The following NCALD variants were observed in gnomAD, a reference collection of about 807,000 sequenced individuals.
NCALD encodes neurocalcin delta, also known as neurocalcin-delta.
A neutral mutation model predicts 18.6 loss-of-function variants in NCALD; 10 were observed. The ratio of observed to expected loss-of-function variants is 0.54; its 90% confidence interval spans 0.33 to 0.91. The LOEUF (loss-of-function observed/expected upper bound fraction) is 0.91. Ranked by LOEUF, NCALD falls within the 40% of genes least tolerant of loss-of-function variation. The pLI is 0.03. For missense variants in NCALD, 184 were observed against 247.6 expected (o/e 0.74, Z 1.72); for synonymous variants, 88 against 87.4 (o/e 1.01, Z -0.04).
intron 3 of NCALD, chr8:101,692,377 G>A (rs1237015135): frequency 2.0e-6 from 2 of 985,280 alleles, no homozygotes; most frequent in Non-Finnish European, 2.4e-6. Context: ...GCAGGCTGGA[G>A]TGAAAGCTGT....
intron 4 of NCALD, among the ~76,000 whole-genome samples, chr8:101,846,801 G>T (rs1814884894): frequency 6.6e-6 from 1 of 152,166 alleles, no homozygotes; most frequent in Admixed American, 6.5e-5. Context: ...TGAAGAATTT[G>T]CATTTCTAAC....
chr8:102,028,776 G>T (rs1236315034), intron 1 of NCALD, among the ~76,000 whole-genome samples: 1 of 152,134 alleles, frequency 6.6e-6, no homozygotes, highest in Admixed American at 6.5e-5. Flanking sequence ...CAACCTTCTG[G>T]TCATTTATTC....
intron 1 of NCALD, among the ~76,000 whole-genome samples, chr8:101,754,870 AAATG>A (rs1010490013): frequency 1.5e-4 from 22 of 150,590 alleles, no homozygotes; most frequent in Admixed American, 2.6e-4. Context: ...ATGAATGAAT[AAATG>A]AATGAATGGA....
intron 1 of NCALD, among the ~76,000 whole-genome samples, chr8:101,720,993 C>T (rs1049971008): frequency 1.3e-5 from 2 of 151,990 alleles, no homozygotes; most frequent in Non-Finnish European, 2.9e-5. Context: ...GGTGAAAGTA[C>T]CTGGAAAAAT....
At position 101,907,121 on chromosome 8, in the gene NCALD, C is replaced by T. The variant is rs73280901; in HGVS notation, c.-107+8688G>A. Among the ~76,000 whole-genome samples the T allele has an allele frequency of 8.3e-3, 1,262 of 152,208 alleles. 18 individuals are homozygous for T. The highest frequency in any genetic ancestry group is 0.028 in the African/African-American group (1,180 of 41,534). On this transcript the variant is annotated intron_variant, in intron 3 of 6. Transcript: ENST00000311028. Reference sequence around the variant, plus strand: ...TGCATTTGATTTTTGAAAAACATTGCGCTAAGTGCTATTTATTTTGATTAT... The same window carrying T: ...TGCATTTGATTTTTGAAAAACATTGTGCTAAGTGCTATTTATTTTGATTAT...
chr8:101,879,593 G>C (rs1413062806), intron 4 of NCALD, among the ~76,000 whole-genome samples: 1 of 152,210 alleles, frequency 6.6e-6, no homozygotes, highest in South Asian at 2.1e-4. Flanking sequence ...ACAACGGCTA[G>C]CTGGGACAGC....
chr8:101,786,987 C>T lies in NCALD; in HGVS notation c.-20+3875G>A, dbSNP rs145037493. On this transcript the variant is annotated intron_variant, in intron 1 of 3. Transcript: ENST00000220931. ...AGGGCAGACTGTTTTTAGTTTGGCT[C>T]CAGTGAATTTCAATATTTATCATAT... 9.5e-3 allele frequency among the ~76,000 whole-genome samples: 1,448 copies of T among 152,196 alleles called. 11 individuals carry two copies. Among genetic ancestry groups the T allele is most frequent in the Middle Eastern group, 0.031 (9 of 294 alleles).
intron 4 of NCALD, among the ~76,000 whole-genome samples, chr8:101,798,364 G>C (rs1338682486): frequency 6.6e-6 from 1 of 152,176 alleles, no homozygotes; most frequent in African/African-American, 2.4e-5. Flanking sequence ...CTCTACACTA[G>C]TAATGAACAT....
At chr8:101,853,041 G>C (rs184810284) in intron 4 of NCALD, among the ~76,000 whole-genome samples, 38 of 152,282 alleles carry the variant, frequency 2.5e-4, no homozygotes, top group Non-Finnish European at 4.7e-4. Context: ...TTTAGAGCCA[G>C]ACTGCCCATG....
chr8:102,055,676 G>T (rs1161674865), intron 1 of NCALD, among the ~76,000 whole-genome samples: 3 of 152,162 alleles, frequency 2.0e-5, no homozygotes, highest in East Asian at 1.9e-4. Flanking sequence ...ACAAATGGTG[G>T]ATATTTGTCA....
At chr8:101,764,730 G>A (rs1384553469) in intron 1 of NCALD, among the ~76,000 whole-genome samples, 1 of 152,192 alleles carries the variant, frequency 6.6e-6, no homozygotes, top group Non-Finnish European at 1.5e-5. Flanking sequence ...CACTGTGGTG[G>A]CAGGTGCTTT....
intron 4 of NCALD, among the ~76,000 whole-genome samples, chr8:101,838,221 CTTTTA>C (rs1473347227): frequency 2.0e-5 from 3 of 151,320 alleles, no homozygotes; most frequent in Non-Finnish European, 4.4e-5. Context: ...TTAAGTGTTT[CTTTTA>C]TTTTCTTTTT....
intron 1 of NCALD, among the ~76,000 whole-genome samples, chr8:102,071,769 T>G (rs1253953567): frequency 1.3e-5 from 2 of 152,078 alleles, no homozygotes; most frequent in Non-Finnish European, 2.9e-5. Context: ...AAAAATCAAA[T>G]ACATAGGAAT....
At chr8:102,097,422 C>T (rs768982641) in intron 1 of NCALD, among the ~76,000 whole-genome samples, 4 of 152,188 alleles carry the variant, frequency 2.6e-5, no homozygotes, top group African/African-American at 4.8e-5. Context: ...TCCAACCACG[C>T]GGGTGCTTAA....
chr8:101,770,712 C>A (rs1811548995), intron 1 of NCALD, among the ~76,000 whole-genome samples: 1 of 152,144 alleles, frequency 6.6e-6, no homozygotes, highest in African/African-American at 2.4e-5. Context: ...AGGCACAGGG[C>A]AGAGACAGCC....
At chr8:101,823,218 T>A (rs1278482368) in intron 4 of NCALD, among the ~76,000 whole-genome samples, 1 of 152,242 alleles carries the variant, frequency 6.6e-6, no homozygotes, top group South Asian at 2.1e-4. Context: ...GCATGTAGAA[T>A]GTAAAATTCT....
chr8:101,763,473 G>A (rs1446905085), intron 1 of NCALD, among the ~76,000 whole-genome samples: 1 of 152,184 alleles, frequency 6.6e-6, no homozygotes, highest in East Asian at 1.9e-4. Flanking sequence ...AGTCACATTT[G>A]CCCAAAAGAT....
chr8:102,005,778 CA>C (rs1467995173), intron 2 of NCALD, among the ~76,000 whole-genome samples: 11 of 143,880 alleles, frequency 7.6e-5, no homozygotes, highest in African/African-American at 2.8e-4. Context: ...ATCGCAAGGA[CA>C]AAAAAACCAA....
In NCALD at chr8:102,106,464, T is replaced by C. The variant is rs533221632; in HGVS notation, c.-210+17773A>G. On this transcript the variant is annotated intron_variant, in intron 1 of 6. Coordinates refer to the NCALD transcript ENST00000311028. ...CATATAGTATATATATATATATATA[T>C]ATACACACACACACACACACACACA... 5.9e-3 allele frequency among the ~76,000 whole-genome samples: 824 copies of C among 138,588 alleles called. 5 individuals carry two copies. The highest frequency in any genetic ancestry group is 0.016 in the African/African-American group (601 of 38,256). The allele number at this position is 138,588 out of a possible 152,430, so 90.9% of individuals were successfully genotyped here.
Sources: allele counts gnomAD v4.1 joint callset (sites outside exome capture counted in the v4.1 genomes callset), GRCh38; gene constraint gnomAD v4.1.1; transcripts MANE v1.5; gene names NCBI Gene and HGNC (gene_info 2026-07-23, HGNC 2026-07-21).